Variants in CTNNA2 observed in about 807,000 individuals in gnomAD.
CTNNA2 encodes catenin alpha 2.
A neutral mutation model predicts 101.0 loss-of-function variants in CTNNA2; 42 were observed. That is an observed-to-expected ratio of 0.42 (90% CI 0.32 to 0.54). CTNNA2 has a LOEUF of 0.54. CTNNA2 is among the 20% of genes least tolerant of loss of function. The pLI is 0.14. For synonymous variants in CTNNA2, 450 were observed against 456.4 expected (o/e 0.99, Z 0.18); for missense variants, 871 against 1,223.1 (o/e 0.71, Z 4.29).
chr2:79,772,142 C>T (rs1022711624), intron 3 of CTNNA2, among the ~76,000 whole-genome samples: 2 of 152,070 alleles, frequency 1.3e-5, no homozygotes, highest in African/African-American at 2.4e-5. Flanking sequence ...TCTCTCCTTC[C>T]CTTTCTTCCT....
chr2:80,416,233 G>A (rs896232405), intron 8 of CTNNA2, among the ~76,000 whole-genome samples: 2 of 152,010 alleles, frequency 1.3e-5, no homozygotes. Flanking sequence ...AAAAAAGGTA[G>A]CTATATGAGG....
intron 2 of CTNNA2, among the ~76,000 whole-genome samples, chr2:79,663,684 G>A (rs910180069): frequency 3.3e-5 from 5 of 151,726 alleles, no homozygotes; most frequent in Non-Finnish European, 5.9e-5. Flanking sequence ...TATGTTCTCT[G>A]TGTTTCTTTC....
chr2:79,856,824 T>C (rs1034043733), intron 3 of CTNNA2, among the ~76,000 whole-genome samples: 2 of 152,240 alleles, frequency 1.3e-5, no homozygotes, highest in East Asian at 1.9e-4. Flanking sequence ...TTATACTCCC[T>C]CTCCCATCTC....
chr2:79,987,234 G>A (rs1196776225), intron 7 of CTNNA2, among the ~76,000 whole-genome samples: 2 of 152,202 alleles, frequency 1.3e-5, no homozygotes, highest in Non-Finnish European at 2.9e-5. Context: ...TTATCATGGA[G>A]TAAAATGCTC....
chr2:79,387,837 C>A (rs1236209527), intron 4 of CTNNA2, among the ~76,000 whole-genome samples: 4 of 152,064 alleles, frequency 2.6e-5, no homozygotes, highest in Admixed American at 6.5e-5. Context: ...GTAAAATAAC[C>A]ATTGAGAACT....
intron 7 of CTNNA2, among the ~76,000 whole-genome samples, chr2:80,161,894 G>A (rs577630421): frequency 2.6e-5 from 3 of 115,008 alleles, no homozygotes; most frequent in African/African-American, 9.8e-5. Flanking sequence ...ATCTACACAT[G>A]TATGTTCAAT....
At chr2:79,383,675 T>G (rs924367699) in intron 4 of CTNNA2, among the ~76,000 whole-genome samples, 1 of 152,224 alleles carries the variant, frequency 6.6e-6, no homozygotes, top group Non-Finnish European at 1.5e-5. Flanking sequence ...TAGGTGGTTT[T>G]GGGCTTTAAC....
At chr2:79,376,594 C>T (rs796126705) in intron 4 of CTNNA2, among the ~76,000 whole-genome samples, 2 of 152,066 alleles carry the variant, frequency 1.3e-5, no homozygotes, top group South Asian at 4.1e-4. Context: ...ATTAACTCCT[C>T]ATTTAACATT....
At chr2:79,450,606 C>A (rs1200576564) in intron 4 of CTNNA2, among the ~76,000 whole-genome samples, 1 of 152,014 alleles carries the variant, frequency 6.6e-6, no homozygotes, top group Non-Finnish European at 1.5e-5. Flanking sequence ...AAATTCTAGA[C>A]AACAGTAAAT....
At position 80,378,441 on chromosome 2, in the gene CTNNA2, G is replaced by GTA. The variant is rs1333791451; in HGVS notation, c.1057-14767_1057-14766dup. 4.9e-4 allele frequency among the ~76,000 whole-genome samples: 66 copies of GTA among 134,962 alleles called. 1 individual carries two copies. Among genetic ancestry groups the GTA allele is most frequent in the African/African-American group, 1.4e-3 (49 of 34,748 alleles). 88.5% of individuals were successfully genotyped at this position (134,962 alleles called of 152,430 possible). A position where few individuals can be genotyped will look rare whatever the true frequency, so the allele number is the denominator to read the frequency against. The stretch of plus-strand genomic sequence containing the variant: ...AGACATAATGTCACATGAACTTGCA[G>GTA]TATACACACACACACACACACACAC... On this transcript the variant is annotated intron_variant, in intron 7 of 18. Transcript: ENST00000402739.
intron 3 of CTNNA2, among the ~76,000 whole-genome samples, chr2:79,316,439 T>C (rs1676499569): frequency 6.6e-6 from 1 of 152,040 alleles, no homozygotes; most frequent in Non-Finnish European, 1.5e-5. Context: ...ACATGAATTT[T>C]AGGATTTTCT....
chr2:79,514,907 T>G (rs183510344), intron 1 of CTNNA2, among the ~76,000 whole-genome samples: 1 of 152,342 alleles, frequency 6.6e-6, no homozygotes, highest in Non-Finnish European at 1.5e-5. Flanking sequence ...TCTTTTCATT[T>G]AAATTATTAT....
intron 3 of CTNNA2, among the ~76,000 whole-genome samples, chr2:79,361,911 G>C (rs545101133): frequency 2.0e-5 from 3 of 152,208 alleles, no homozygotes; most frequent in Non-Finnish European, 4.4e-5. Flanking sequence ...TTAATGGTAG[G>C]TCTGCCTTTC....
chr2:79,634,467 G>A lies in CTNNA2; in HGVS notation c.-5-17085G>A, dbSNP rs559090747. ...CATGTAATTGGTTCAATTTCGAAGG[G>A]GCTGCTCCTTTAACGCCAATCATTT... On this transcript the variant is annotated intron_variant, in intron 1 of 18. Transcript: ENST00000402739. 3 of 152,226 alleles carry A rather than the reference G, an allele frequency of 2.0e-5. No homozygotes were observed. In the South Asian group the frequency reaches 6.2e-4, roughly 32 times the overall value. 9.4% of individuals were successfully genotyped at this position (152,226 alleles called of 1,614,324 possible). A position where few individuals can be genotyped will look rare whatever the true frequency, so the allele number is the denominator to read the frequency against.
intron 9 of CTNNA2, among the ~76,000 whole-genome samples, chr2:80,472,086 C>T (rs545126295): frequency 6.6e-6 from 1 of 151,350 alleles, no homozygotes; most frequent in African/African-American, 2.4e-5. Context: ...CTCCACTGCA[C>T]TCCAGCCTGG....
At chr2:80,091,677 A>G (rs1242158953) in intron 7 of CTNNA2, among the ~76,000 whole-genome samples, 1 of 152,098 alleles carries the variant, frequency 6.6e-6, no homozygotes, top group Non-Finnish European at 1.5e-5. Context: ...CCAGAAGAGC[A>G]AGGTGAGCCT....
chr2:79,347,236 G>T (rs1234336457), intron 3 of CTNNA2, among the ~76,000 whole-genome samples: 1 of 152,044 alleles, frequency 6.6e-6, no homozygotes, highest in African/African-American at 2.4e-5. Flanking sequence ...AATAAATCTT[G>T]GTGGAAATTT....
chr2:79,397,325 T>C (rs1678243759), intron 4 of CTNNA2, among the ~76,000 whole-genome samples: 1 of 152,154 alleles, frequency 6.6e-6, no homozygotes, highest in Non-Finnish European at 1.5e-5. Context: ...TTCTTCTATC[T>C]AACTGTATTT....
At chr2:79,596,784 A>G (rs1003738543) in intron 1 of CTNNA2, among the ~76,000 whole-genome samples, 2 of 152,224 alleles carry the variant, frequency 1.3e-5, no homozygotes, top group African/African-American at 4.8e-5. Flanking sequence ...ATTTGCCCTT[A>G]GCTGTATGGA....
Sources: gnomAD v4.1 joint callset for allele counts (sites outside exome capture counted in the v4.1 genomes callset) on GRCh38, gnomAD v4.1.1 for gene constraint, MANE v1.5 for transcripts, NCBI Gene and HGNC (gene_info 2026-07-23, HGNC 2026-07-21) for gene names.